Variants in COL6A5 observed in about 807,000 individuals in gnomAD.
COL6A5 encodes collagen alpha-5(VI) chain.
A neutral mutation model predicts 65.6 loss-of-function variants in COL6A5; 48 were observed. That is an observed-to-expected ratio of 0.73 (90% CI 0.58 to 0.93). The LOEUF is 0.93. Ranked by LOEUF, COL6A5 falls within the 40% of genes least tolerant of loss-of-function variation. COL6A5 has a pLI of 0.00. For synonymous variants in COL6A5, 291 were observed against 322.8 expected (o/e 0.90, Z 1.05); for missense variants, 914 against 928.3 (o/e 0.98, Z 0.20).
chr3:130,439,552 C>T, exon 2 of COL6A5: 1 of 1,551,066 alleles, frequency 6.4e-7, no homozygotes, highest in Non-Finnish European at 8.7e-7. Flanking sequence ...TCAGGTGATT[C>T]CAGTTCCTCC....
chr3:130,459,846 T>G (rs191687642), intron 5 of COL6A5, among the ~76,000 whole-genome samples: 1 of 152,234 alleles, frequency 6.6e-6, no homozygotes, highest in East Asian at 1.9e-4. Context: ...TCTTTTGTTT[T>G]TTCGTGGGCA....
chr3:130,388,893 T>C, exon 6 of COL6A5: 6 of 1,548,258 alleles, frequency 3.9e-6, no homozygotes, highest in Non-Finnish European at 5.2e-6. Context: ...AGGGGGCCCG[T>C]TTGGGGGCCA....
At chr3:130,379,293 C>A in intron 3 of COL6A5, 125 bp from the exon 4 acceptor site, 2 of 905,792 alleles carry the variant, frequency 2.2e-6, no homozygotes, top group Non-Finnish European at 3.2e-6. Context: ...TAAAAGAAAA[C>A]GATGCTGTCT....
At chr3:130,434,034 T>C (rs899322267) in intron 1 of COL6A5, among the ~76,000 whole-genome samples, 1 of 151,894 alleles carries the variant, frequency 6.6e-6, no homozygotes, top group African/African-American at 2.4e-5. Context: ...TAGGTATACA[T>C]GTGCCATGGT....
chr3:130,471,681 G>C lies in COL6A5; in HGVS notation c.2328+714G>C, dbSNP rs1392910439. On this transcript the variant is annotated intron_variant, in intron 7 of 7. Coordinates refer to ENST00000512836, the Ensembl canonical transcript of COL6A5. ...TTTATCTCTCTTCTCTATTACCTCA[G>C]ACTTCTTCCTGGGATATATGAAATA... is the stretch of plus-strand genomic sequence containing the variant. The C allele has an allele frequency of 2.0e-6, 3 of 1,534,042 alleles. No homozygotes were observed. In the African/African-American group the frequency reaches 4.1e-5, roughly 21 times the overall value.
chr3:130,364,583 G>A (rs111893088), intron 1 of COL6A5, among the ~76,000 whole-genome samples: 27 of 152,234 alleles, frequency 1.8e-4, no homozygotes, highest in Non-Finnish European at 4.4e-5. Flanking sequence ...GGCTGCAGTA[G>A]TCAGAGAGCA....
rs1935258328 is a variant in COL6A5 at position 130,364,493 on chromosome 3, A to G, written c.-28-9118A>G. Reference sequence around the variant, plus strand: ...TAAACAGTACAGCTAAATAGAGTATACATCTTAGCTATTAAAAAATGGTGA... The same window carrying G: ...TAAACAGTACAGCTAAATAGAGTATGCATCTTAGCTATTAAAAAATGGTGA... On this transcript the variant is annotated intron_variant and NMD_transcript_variant, in intron 1 of 41. Coordinates refer to the COL6A5 transcript ENST00000312481. Among the ~76,000 whole-genome samples, 3 of 152,242 alleles carry G rather than the reference A, an allele frequency of 2.0e-5. 1 individual carries two copies. The South Asian group carries it at 6.2e-4, about 31-fold the overall frequency.
chr3:130,429,659 C>A, upstream of COL6A5: 3 of 1,277,336 alleles, frequency 2.3e-6, no homozygotes, highest in African/African-American at 1.5e-5. Context: ...CTGAAAGATG[C>A]CCTCAACTCC....
chr3:130,421,452 A>AAT, intron 27 of COL6A5, 92 bp downstream of exon 27: 1 of 1,201,942 alleles, frequency 8.3e-7, no homozygotes, highest in South Asian at 1.3e-5. Context: ...AAATGGGGAC[A>AAT]ATAAGGAGAA....
intron 5 of COL6A5, 68 bp from the exon 38 acceptor site, chr3:130,468,727 C>T (rs1709875571): frequency 9.4e-7 from 1 of 1,066,226 alleles, no homozygotes; most frequent in Admixed American, 2.4e-5. Context: ...GTGTATTTGC[C>T]ATCTATGACT....
chr3:130,401,258 T>G, intron 11 of COL6A5, 85 bp downstream of exon 11: 1 of 1,187,218 alleles, frequency 8.4e-7, no homozygotes, highest in Non-Finnish European at 1.2e-6. Context: ...AAAGACTGCC[T>G]TTGTTTACCC....
rs141431241 is a variant in COL6A5, at chr3:130,373,794, C to T, written c.67+89C>T. 6.3e-4 allele frequency: 536 copies of T among 848,980 alleles called. No individual in the cohort carries two copies. In the African/African-American group the frequency reaches 8.5e-3, roughly 13 times the overall value. The allele number at this position is 848,980 out of a possible 1,614,324, so 52.6% of individuals were successfully genotyped here. ...TAAACAGCAAGAAATAATTTATTTA[C>T]TAAAAATCAAAGTATGCAGCATTTA... On this transcript the variant is annotated intron_variant and NMD_transcript_variant, in intron 2 of 41. Transcript: ENST00000312481.
intron 12 of COL6A5, among the ~76,000 whole-genome samples, chr3:130,403,321 G>T (rs570988274): frequency 6.6e-6 from 1 of 152,092 alleles, no homozygotes; most frequent in Non-Finnish European, 1.5e-5. Context: ...CCTGCAAATC[G>T]CTCAGGTGCA....
At chr3:130,382,573 A>G (rs1175679188) in intron 4 of COL6A5, among the ~76,000 whole-genome samples, 1 of 152,180 alleles carries the variant, frequency 6.6e-6, no homozygotes, top group Non-Finnish European at 1.5e-5. Context: ...GCCTGGGCCC[A>G]TGCATTTTAG....
Position 130,483,887 on chromosome 3 carries a change from C to A in COL6A5, c.2329-148C>A. ...CTCATTTATATCTATTATCACATCA[C>A]CCTGAGCTGGACTTCTATTTTGACC... On this transcript the variant is annotated intron_variant, in intron 7 of 7. Coordinates refer to ENST00000512836, the Ensembl canonical transcript of COL6A5. 3.3e-6 allele frequency: 2 copies of A among 613,842 alleles called. 1 individual carries two copies. The allele number at this position is 613,842 out of a possible 1,614,324, so 38.0% of individuals were successfully genotyped here.
In COL6A5 at chr3:130,376,284, G is replaced by A. The variant is rs748352703; in HGVS notation, c.115G>A (p.Asp39Asn). Residue 39 changes from aspartate (D) to asparagine (N), a missense_variant and NMD_transcript_variant, in exon 3 of 42, where the codon GAT becomes AAT. Physicochemically the swap from Asp to Asn is conservative, Grantham distance 23. Coordinates refer to the COL6A5 transcript ENST00000312481. The stretch of plus-strand genomic sequence containing the variant: ...TGTCGTGTTTCTGGTGGACAGCTCC[G>A]ATCACCTGGGACCTAAGTCATTCCC... 48 of 1,612,462 alleles carry A rather than the reference G, an allele frequency of 3.0e-5. No individual in the cohort carries two copies. The highest frequency in any genetic ancestry group is 1.6e-4 in the Middle Eastern group (1 of 6,068).
intron 29 of COL6A5, among the ~76,000 whole-genome samples, chr3:130,424,546 A>C (rs766704233): frequency 3.9e-5 from 6 of 152,074 alleles, no homozygotes; most frequent in Non-Finnish European, 7.4e-5. Flanking sequence ...TTTGTGGTGG[A>C]GACCCAGGCA....
intron 1 of COL6A5, among the ~76,000 whole-genome samples, chr3:130,347,714 C>T (rs13095825): frequency 0.51 from 77,673 of 151,988 alleles, 22,498 homozygotes; most frequent in Non-Finnish European, 0.65. Flanking sequence ...TTTTCAACCC[C>T]GGAGCATATA....
At chr3:130,346,274 T>C (rs899297987) in intron 1 of COL6A5, among the ~76,000 whole-genome samples, 2 of 152,154 alleles carry the variant, frequency 1.3e-5, no homozygotes, top group African/African-American at 4.8e-5. Context: ...AAAACCCTGT[T>C]GAACCAGAAT....
Sources: allele counts gnomAD v4.1 joint callset (sites outside exome capture counted in the v4.1 genomes callset), GRCh38; gene constraint gnomAD v4.1.1; transcripts MANE v1.5; gene names NCBI Gene and HGNC (gene_info 2026-07-23, HGNC 2026-07-21).